Variants in ZNF131 observed in about 807,000 individuals in gnomAD.
ZNF131 encodes the protein zinc finger protein 131.
A neutral mutation model predicts 60.0 loss-of-function variants in ZNF131; 7 were observed. That is an observed-to-expected ratio of 0.12 (90% CI 0.07 to 0.22). The LOEUF is 0.22. ZNF131 is among the 10% of genes least tolerant of loss of function. The pLI is 1.00. For missense variants in ZNF131, 493 were observed against 740.9 expected (o/e 0.67, Z 3.88); for synonymous variants, 257 against 253.2 (o/e 1.01, Z -0.14).
intron 4 of ZNF131, among the ~76,000 whole-genome samples, chr5:43,160,239 AT>A (rs965250850): frequency 1.3e-5 from 2 of 151,826 alleles, no homozygotes; most frequent in African/African-American, 4.8e-5. Flanking sequence ...ACAGTAGCTC[AT>A]GTCTGTAATC....
At chr5:43,148,446 C>T (rs948820608) in intron 4 of ZNF131, among the ~76,000 whole-genome samples, 1 of 152,236 alleles carries the variant, frequency 6.6e-6, no homozygotes, top group African/African-American at 2.4e-5. Context: ...CCTGTCTTCA[C>T]CAGCACTTGA....
chr5:43,125,964 GAC>G (rs1242532618), intron 3 of ZNF131, among the ~76,000 whole-genome samples: 1 of 152,180 alleles, frequency 6.6e-6, no homozygotes, highest in African/African-American at 2.4e-5. Flanking sequence ...AAGCAAAATA[GAC>G]ACACACTTTA....
At chr5:43,125,088 A>G (rs987402418) in intron 3 of ZNF131, 1 of 152,070 alleles carries the variant, frequency 6.6e-6, no homozygotes, top group African/African-American at 2.4e-5. Context: ...ATCATGTACT[A>G]TGTTAGACCC....
rs796301323 is a variant in ZNF131, at chr5:43,154,414, C to CAA, written c.372-6823_372-6822dup. On this transcript the variant is annotated intron_variant, in intron 4 of 6. Transcript: ENST00000682664. ...GGGCTCCAGAGCGAGACTCCGTCTC[C>CAA]AAAAAAAAAAAAAGAAGTGTCAGAA... is the stretch of plus-strand genomic sequence containing the variant. Among the ~76,000 whole-genome samples, 142 of 127,550 alleles carry CAA rather than the reference C, an allele frequency of 1.1e-3. 1 individual carries two copies. Among genetic ancestry groups the CAA allele is most frequent in the African/African-American group, 3.9e-3 (136 of 34,584 alleles). The allele number at this position is 127,550 out of a possible 152,430, so 83.7% of individuals were successfully genotyped here. A position where few individuals can be genotyped will look rare whatever the true frequency, so the allele number is the denominator to read the frequency against.
intron 4 of ZNF131, among the ~76,000 whole-genome samples, chr5:43,146,245 G>A (rs1256704723): frequency 6.6e-6 from 1 of 152,188 alleles, no homozygotes. Flanking sequence ...ACACCGAAAA[G>A]AAATTAGGAC....
intron 6 of ZNF131, among the ~76,000 whole-genome samples, chr5:43,173,928 C>T (rs1219697671): frequency 1.3e-5 from 2 of 152,110 alleles, no homozygotes; most frequent in Non-Finnish European, 1.5e-5. Context: ...TGAAATGTTT[C>T]TCAAAATGTA....
intron 3 of ZNF131, among the ~76,000 whole-genome samples, chr5:43,125,780 C>CA (rs1349162899): frequency 6.7e-6 from 1 of 149,552 alleles, no homozygotes. Context: ...AACTCCGTCT[C>CA]AAAGAAAAAA....
intron 6 of ZNF131, 56 bp downstream of exon 6, chr5:43,173,504 A>G: frequency 6.4e-7 from 1 of 1,560,784 alleles, no homozygotes. Context: ...GTTTGCAGTC[A>G]TCAAAAGCAA....
At chr5:43,147,323 A>G (rs570125667) in intron 4 of ZNF131, among the ~76,000 whole-genome samples, 6 of 152,148 alleles carry the variant, frequency 3.9e-5, no homozygotes, top group Non-Finnish European at 8.8e-5. Context: ...AACATCTACA[A>G]GTGGAATAGA....
At chr5:43,155,618 AG>A (rs1211577896) in intron 4 of ZNF131, among the ~76,000 whole-genome samples, 2 of 152,180 alleles carry the variant, frequency 1.3e-5, no homozygotes, top group Non-Finnish European at 2.9e-5. Context: ...CCCCACTTAG[AG>A]GTTGCTGTTT....
Position 43,174,860 on chromosome 5 carries a change from A to G in ZNF131, c.1599A>G (p.Glu533=). The G allele has an allele frequency of 6.2e-7, 1 of 1,614,206 alleles. No homozygotes were observed. The change falls in exon 7 of 7, where the codon GAA becomes GAG. Residue 533 remains glutamate (E), a synonymous_variant. Coordinates refer to ENST00000682664, the MANE Select transcript of ZNF131 (RefSeq NM_001330707.2). ...SYLEVGRIQT[E]EGTEVHVEEL... ...TAGAAGTGGGCCGAATTCAGACTGA[A>G]GAAGGTACTGAAGTACATGTAGAGG...
chr5:43,147,229 GT>G (rs199963891), intron 4 of ZNF131, among the ~76,000 whole-genome samples: 4 of 149,618 alleles, frequency 2.7e-5, no homozygotes, highest in East Asian at 2.0e-4. Context: ...ACTTTTGCAT[GT>G]TTTTTTTTAA....
intron 3 of ZNF131, among the ~76,000 whole-genome samples, chr5:43,132,866 T>G (rs1039661663): frequency 6.6e-6 from 1 of 152,110 alleles, no homozygotes; most frequent in Non-Finnish European, 1.5e-5. Context: ...TTAAATGATA[T>G]TCCACCAGCA....
At position 43,174,869 on chromosome 5, in the gene ZNF131, T is replaced by A. The variant is rs1751401927; in HGVS notation, c.1608T>A (p.Thr536=). 1.2e-6 allele frequency: 2 copies of A among 1,614,022 alleles called. No homozygotes were observed. Among genetic ancestry groups the A allele is most frequent in the African/African-American group, 2.7e-5 (2 of 74,904 alleles). ...GCCGAATTCAGACTGAAGAAGGTACTGAAGTACATGTAGAGGAGCTGCATG... is the reference window on the plus strand; with the variant it reads ...GCCGAATTCAGACTGAAGAAGGTACAGAAGTACATGTAGAGGAGCTGCATG... The part of the protein sequence containing the change: ...EVGRIQTEEG[T]EVHVEELHVE... The change falls in exon 7 of 7, where the codon ACT becomes ACA. Residue 536 remains threonine (T), a synonymous_variant. Transcript: ENST00000682664.
At chr5:43,148,033 G>A (rs1341992091) in intron 4 of ZNF131, among the ~76,000 whole-genome samples, 10 of 145,134 alleles carry the variant, frequency 6.9e-5, no homozygotes, top group East Asian at 4.1e-4. Flanking sequence ...CAGCCTGAGC[G>A]ACAAGAGTGC....
intron 4 of ZNF131, among the ~76,000 whole-genome samples, chr5:43,139,681 G>C (rs1163531207): frequency 6.6e-6 from 1 of 152,018 alleles, no homozygotes; most frequent in Non-Finnish European, 1.5e-5. Flanking sequence ...TTAAAAATAA[G>C]GAAATAGATG....
intron 3 of ZNF131, among the ~76,000 whole-genome samples, chr5:43,126,916 C>T (rs1386811525): frequency 6.6e-6 from 1 of 152,114 alleles, no homozygotes; most frequent in Non-Finnish European, 1.5e-5. Context: ...GAAGGAGTTT[C>T]TCTTGGAACT....
chr5:43,173,240 G>GAA (rs1751218627), intron 5 of ZNF131, 78 bp from the exon 6 acceptor site: 2 of 1,376,430 alleles, frequency 1.5e-6, no homozygotes. Context: ...TACCCAAAAA[G>GAA]AAAAAGTAAA....
At chr5:43,163,463 TC>T (rs1749998535) in intron 5 of ZNF131, among the ~76,000 whole-genome samples, 2 of 152,352 alleles carry the variant, frequency 1.3e-5, no homozygotes, top group South Asian at 4.1e-4. Context: ...GATGGAAATG[TC>T]CTGAGAAATC....
Sources: gnomAD v4.1 joint callset for allele counts (sites outside exome capture counted in the v4.1 genomes callset) on GRCh38, gnomAD v4.1.1 for gene constraint, MANE v1.5 for transcripts, NCBI Gene and HGNC (gene_info 2026-07-23, HGNC 2026-07-21) for gene names.